The following SPIRE1 variants were observed in gnomAD, a reference collection of about 807,000 sequenced individuals.
SPIRE1 encodes spire type actin nucleation factor 1.
SPIRE1 carries 40 observed loss-of-function variants against 94.1 expected under a neutral mutation model. The observed-to-expected ratio is 0.43, with a 90% CI of 0.33 to 0.55. SPIRE1 has a LOEUF of 0.55. SPIRE1 is among the 20% of genes least tolerant of loss of function. The pLI, the probability that SPIRE1 is intolerant of heterozygous loss-of-function variation, is 0.06. For missense variants in SPIRE1, 838 were observed against 975.2 expected, an observed-to-expected ratio of 0.86 and a Z score of 1.87; for synonymous variants, 376 against 371.7, an observed-to-expected ratio of 1.01 and a Z score of -0.13.
rs560533644 is a variant in SPIRE1 at position 12,537,421 on chromosome 18, T to C, written c.604-1820A>G. ...CCACAGTAAGAAATAAATTTATATA[T>C]ATTCACATATTATACACAAACACAT... On this transcript the variant is annotated intron_variant, in intron 3 of 16. Coordinates refer to ENST00000409402, the MANE Select transcript of SPIRE1 (RefSeq NM_001128626.2). Among the ~76,000 whole-genome samples the C allele has an allele frequency of 2.6e-3, 393 of 152,320 alleles. 1 individual carries two copies. The highest frequency in any genetic ancestry group is 9.1e-3 in the African/African-American group (377 of 41,570).
intron 2 of SPIRE1, among the ~76,000 whole-genome samples, chr18:12,599,032 T>C (rs1166318708): frequency 6.6e-6 from 1 of 152,248 alleles, no homozygotes; most frequent in Non-Finnish European, 1.5e-5. Context: ...TCACATTTTC[T>C]TTCACAAACC....
At chr18:12,471,570 C>T (rs911010617) in intron 10 of SPIRE1, among the ~76,000 whole-genome samples, 10 of 151,972 alleles carry the variant, frequency 6.6e-5, no homozygotes, top group African/African-American at 1.5e-4. Context: ...GTGATCCGTC[C>T]GCCTCAGCCT....
intron 4 of SPIRE1, among the ~76,000 whole-genome samples, chr18:12,518,638 G>GC (rs2144079494): frequency 6.6e-6 from 1 of 152,058 alleles, no homozygotes; most frequent in South Asian, 2.1e-4. Context: ...AGCTGAGATT[G>GC]CATCACTGCA....
rs1221339639 is a variant in SPIRE1 at position 12,654,654 on chromosome 18, C to CA, written c.337+2875dup. 2.5e-3 allele frequency among the ~76,000 whole-genome samples: 349 copies of CA among 139,002 alleles called. 2 individuals carry two copies. The highest frequency in any genetic ancestry group is 3.2e-3 in the East Asian group (15 of 4,738). The allele number at this position is 139,002 out of a possible 152,430, so 91.2% of individuals were successfully genotyped here. A position where few individuals can be genotyped will look rare whatever the true frequency, so the allele number is the denominator to read the frequency against. ...TGGGCGACTGAGCGAGACTCCGTCT[C>CA]AAAAAAAAAAAAATTATTTTTACTT... On this transcript the variant is annotated intron_variant, in intron 1 of 16. Coordinates refer to ENST00000409402, the MANE Select transcript of SPIRE1 (RefSeq NM_001128626.2).
At chr18:12,615,959 C>G (rs2037296487) in intron 2 of SPIRE1, among the ~76,000 whole-genome samples, 1 of 152,204 alleles carries the variant, frequency 6.6e-6, no homozygotes, top group African/African-American at 2.4e-5. Flanking sequence ...AGAATTCTCT[C>G]AATCTTCCAT....
chr18:12,611,000 C>T (rs1047554914), intron 2 of SPIRE1, among the ~76,000 whole-genome samples: 2 of 152,048 alleles, frequency 1.3e-5, no homozygotes, highest in Non-Finnish European at 2.9e-5. Flanking sequence ...TTATGCTCCA[C>T]ATCATATCCC....
At chr18:12,640,369 A>G (rs891933934) in intron 1 of SPIRE1, among the ~76,000 whole-genome samples, 3 of 152,188 alleles carry the variant, frequency 2.0e-5, no homozygotes, top group Admixed American at 6.6e-5. Context: ...TTTTCATGCT[A>G]AAACTGAGAT....
At chr18:12,513,139 C>G (rs543047870) in intron 4 of SPIRE1, among the ~76,000 whole-genome samples, 1 of 152,264 alleles carries the variant, frequency 6.6e-6, no homozygotes, top group East Asian at 1.9e-4. Flanking sequence ...TCTTCAGAGG[C>G]CACACAAGCA....
intron 2 of SPIRE1, among the ~76,000 whole-genome samples, chr18:12,555,156 C>T (rs1437724074): frequency 6.6e-6 from 1 of 152,052 alleles, no homozygotes; most frequent in East Asian, 1.9e-4. Flanking sequence ...ACTGATCTCC[C>T]ATCTCCTCAG....
intron 5 of SPIRE1, 38 bp downstream of exon 5, chr18:12,512,416 A>G: frequency 7.0e-7 from 1 of 1,431,280 alleles, no homozygotes; most frequent in Non-Finnish European, 9.7e-7. Flanking sequence ...ACTATTTCTT[A>G]GACAGTAAAC....
chr18:12,550,678 C>G (rs138323229), intron 2 of SPIRE1, among the ~76,000 whole-genome samples: 28 of 152,160 alleles, frequency 1.8e-4, no homozygotes, highest in African/African-American at 6.7e-4. Flanking sequence ...TCTCTCCCTT[C>G]CCTCCTTCCA....
At chr18:12,547,639 T>G (rs541268116) in intron 2 of SPIRE1, among the ~76,000 whole-genome samples, 1 of 152,314 alleles carries the variant, frequency 6.6e-6, no homozygotes, top group African/African-American at 2.4e-5. Flanking sequence ...TGTCTCTCTC[T>G]CTCTCTCTAA....
At chr18:12,629,829 G>T (rs957274773) in intron 2 of SPIRE1, among the ~76,000 whole-genome samples, 1 of 152,128 alleles carries the variant, frequency 6.6e-6, no homozygotes, top group African/African-American at 2.4e-5. Context: ...AAAAAAATTT[G>T]CATGTCATTT....
intron 6 of SPIRE1, among the ~76,000 whole-genome samples, chr18:12,506,163 G>A (rs2033824294): frequency 6.6e-6 from 1 of 151,962 alleles, no homozygotes; most frequent in African/African-American, 2.4e-5. Context: ...ATAGTTTTTT[G>A]TTTTTCTTTT....
chr18:12,480,134 T>G (rs2032785280), intron 9 of SPIRE1, among the ~76,000 whole-genome samples: 2 of 152,212 alleles, frequency 1.3e-5, no homozygotes, highest in Non-Finnish European at 2.9e-5. Context: ...GACTCACAAC[T>G]TGTTTATTTT....
intron 2 of SPIRE1, among the ~76,000 whole-genome samples, chr18:12,560,749 G>A (rs1175840966): frequency 1.3e-5 from 2 of 152,284 alleles, no homozygotes; most frequent in Admixed American, 1.3e-4. Flanking sequence ...CTACTTGGAA[G>A]GCTGAGGTGG....
chr18:12,661,151 T>C, upstream of SPIRE1, among the ~76,000 whole-genome samples: 1 of 151,804 alleles, frequency 6.6e-6, no homozygotes, highest in Admixed American at 6.6e-5. Context: ...CTACTAAAAA[T>C]ACAAAAATTA....
intron 1 of SPIRE1, among the ~76,000 whole-genome samples, chr18:12,637,660 C>T (rs958234186): frequency 6.6e-6 from 1 of 152,162 alleles, no homozygotes; most frequent in Non-Finnish European, 1.5e-5. Context: ...CATTTCCTAG[C>T]TCTGCTCATC....
chr18:12,496,868 CA>C (rs1428722754), intron 6 of SPIRE1, among the ~76,000 whole-genome samples: 1 of 150,156 alleles, frequency 6.7e-6, no homozygotes, highest in African/African-American at 2.4e-5. Flanking sequence ...GACTCCGTCT[CA>C]AAAAAAAGAA....
Sources: gnomAD v4.1 joint callset for allele counts (sites outside exome capture counted in the v4.1 genomes callset) on GRCh38, gnomAD v4.1.1 for gene constraint, MANE v1.5 for transcripts, NCBI Gene and HGNC (gene_info 2026-07-23, HGNC 2026-07-21) for gene names.